The following PCDH15 variants were observed in gnomAD, a reference collection of about 807,000 sequenced individuals.
The protein encoded by PCDH15 is protocadherin related 15.
A neutral mutation model predicts 178.5 loss-of-function variants in PCDH15; 129 were observed. The ratio of observed to expected loss-of-function variants is 0.72; its 90% CI spans 0.63 to 0.84. The LOEUF (loss-of-function observed/expected upper bound fraction) is 0.84. PCDH15 is among the 40% of genes least tolerant of loss of function. The pLI, the probability that PCDH15 is intolerant of heterozygous loss-of-function variation, is 0.00. For missense variants in PCDH15, 2,230 were observed against 2,099.9 expected, an observed-to-expected ratio of 1.06 and a Z score of -1.21; for synonymous variants, 800 against 732.0, an observed-to-expected ratio of 1.09 and a Z score of -1.50.
At chr10:55,316,340 T>C (rs1349612993) in intron 1 of PCDH15, among the ~76,000 whole-genome samples, 2 of 152,180 alleles carry the variant, frequency 1.3e-5, no homozygotes, top group Non-Finnish European at 2.9e-5. Context: ...ATTTTAAATG[T>C]AGAATTACAT....
At chr10:55,289,550 A>G (rs1842957710) in intron 1 of PCDH15, among the ~76,000 whole-genome samples, 1 of 151,936 alleles carries the variant, frequency 6.6e-6, no homozygotes, top group Non-Finnish European at 1.5e-5. Context: ...AAGAGAGATG[A>G]TCTAAAAAGA....
chr10:54,488,104 A>G (rs181786748), intron 3 of PCDH15, among the ~76,000 whole-genome samples: 2 of 151,948 alleles, frequency 1.3e-5, no homozygotes, highest in Non-Finnish European at 2.9e-5. Flanking sequence ...TTTTCTCACT[A>G]AAAGACGAGT....
chr10:55,198,021 C>T (rs573980979), intron 1 of PCDH15, among the ~76,000 whole-genome samples: 1 of 152,212 alleles, frequency 6.6e-6, no homozygotes, highest in East Asian at 1.9e-4. Context: ...GTTCTGTGTT[C>T]TGCCTCAGGA....
intron 2 of PCDH15, among the ~76,000 whole-genome samples, chr10:55,534,581 AAT>A (rs1199612280): frequency 3.9e-5 from 6 of 152,032 alleles, no homozygotes. Context: ...AGATCCTGGC[AAT>A]GTTGCAGAGA....
intron 2 of PCDH15, among the ~76,000 whole-genome samples, chr10:55,565,345 A>G (rs545474742): frequency 2.0e-5 from 3 of 151,872 alleles, no homozygotes; most frequent in African/African-American, 7.2e-5. Context: ...GACATAGAAA[A>G]AGCAGCGCTA....
At chr10:53,874,302 T>C (rs1250759066) in intron 26 of PCDH15, among the ~76,000 whole-genome samples, 1 of 152,116 alleles carries the variant, frequency 6.6e-6, no homozygotes, top group Non-Finnish European at 1.5e-5. Flanking sequence ...AATTTACTTT[T>C]CCCCCTGCTA....
chr10:55,241,649 C>T (rs539539148), intron 1 of PCDH15, among the ~76,000 whole-genome samples: 1 of 152,202 alleles, frequency 6.6e-6, no homozygotes, highest in African/African-American at 2.4e-5. Context: ...TCTCAAACTC[C>T]AGGGCTCAAG....
At chr10:54,569,981 G>A (rs2133546402) in intron 2 of PCDH15, among the ~76,000 whole-genome samples, 1 of 152,146 alleles carries the variant, frequency 6.6e-6, no homozygotes, top group East Asian at 1.9e-4. Context: ...CTCTAGAGGA[G>A]GGCTACATTG....
rs201371477 is a variant in PCDH15, at chr10:54,921,649, TAA to T, written c.-79-24151_-79-24150del. ...ACCTCTAGCTCCATCCATGTTCTGA[TAA>T]AAGACTTGATCTCACTCTTTTTATG... On this transcript the variant is annotated intron_variant, in intron 2 of 5. Transcript: ENST00000458638. 8.7e-3 allele frequency among the ~76,000 whole-genome samples: 1,319 copies of T among 152,322 alleles called. 15 individuals are homozygous for T. The highest frequency in any genetic ancestry group is 0.03 in the African/African-American group (1,230 of 41,568).
At chr10:54,567,158 T>G (rs1489411832) in intron 2 of PCDH15, among the ~76,000 whole-genome samples, 2 of 152,194 alleles carry the variant, frequency 1.3e-5, no homozygotes, top group Admixed American at 1.3e-4. Context: ...TTACGGTTTT[T>G]GGCCCATTTT....
At chr10:54,200,534 T>C (rs1591127384) in intron 10 of PCDH15, among the ~76,000 whole-genome samples, 1 of 152,202 alleles carries the variant, frequency 6.6e-6, no homozygotes, top group African/African-American at 2.4e-5. Context: ...TTCATCTGTA[T>C]TCACCCTCCC....
At chr10:55,329,495 A>T (rs1844135273) in intron 2 of PCDH15, among the ~76,000 whole-genome samples, 1 of 151,794 alleles carries the variant, frequency 6.6e-6, no homozygotes, top group Non-Finnish European at 1.5e-5. Flanking sequence ...CACTTTTTAG[A>T]TAGGACATGA....
intron 26 of PCDH15, among the ~76,000 whole-genome samples, chr10:53,892,187 G>A (rs1189586549): frequency 6.6e-6 from 1 of 151,870 alleles, no homozygotes; most frequent in Non-Finnish European, 1.5e-5. Flanking sequence ...ACTGCACCCG[G>A]CTAATTTTTT....
At chr10:55,158,727 G>GA (rs1427113888) in intron 2 of PCDH15, among the ~76,000 whole-genome samples, 4 of 151,496 alleles carry the variant, frequency 2.6e-5, no homozygotes, top group African/African-American at 7.3e-5. Context: ...AAAGAAAAAA[G>GA]AAAAAAACAA....
At chr10:55,413,563 C>G (rs1212960445) in intron 2 of PCDH15, among the ~76,000 whole-genome samples, 1 of 144,930 alleles carries the variant, frequency 6.9e-6, no homozygotes, top group Non-Finnish European at 1.5e-5. Context: ...ATTTATATAT[C>G]TATCTATGTA....
intron 1 of PCDH15, among the ~76,000 whole-genome samples, chr10:55,205,114 T>C (rs1367924177): frequency 6.6e-6 from 1 of 152,020 alleles, no homozygotes; most frequent in African/African-American, 2.4e-5. Context: ...ATAAGAAGTA[T>C]AGTTTCAAGA....
At chr10:55,033,452 G>C (rs1375534071) in intron 2 of PCDH15, among the ~76,000 whole-genome samples, 5 of 152,078 alleles carry the variant, frequency 3.3e-5, no homozygotes, top group African/African-American at 1.2e-4. Flanking sequence ...GTTCACATGT[G>C]GTTTGCCTCA....
At chr10:54,699,675 A>G (rs559708099) in intron 1 of PCDH15, among the ~76,000 whole-genome samples, 1 of 152,050 alleles carries the variant, frequency 6.6e-6, no homozygotes, top group Non-Finnish European at 1.5e-5. Flanking sequence ...TCATCATACT[A>G]TAATTTTACC....
intron 23 of PCDH15, among the ~76,000 whole-genome samples, chr10:53,943,208 G>T (rs1263495337): frequency 6.6e-6 from 1 of 151,972 alleles, no homozygotes; most frequent in Non-Finnish European, 1.5e-5. Context: ...GCTATGTCGG[G>T]CCGGGCGCGG....
Sources: allele counts gnomAD v4.1 joint callset (sites outside exome capture counted in the v4.1 genomes callset), GRCh38; gene constraint gnomAD v4.1.1; transcripts MANE v1.5; gene names NCBI Gene and HGNC (gene_info 2026-07-23, HGNC 2026-07-21).